The following VKORC1L1 variants were observed in gnomAD, a reference collection of about 807,000 sequenced individuals.
The protein encoded by VKORC1L1 is vitamin K epoxide reductase complex subunit 1-like protein 1.
Under a neutral mutation model 18.9 loss-of-function variants are expected in VKORC1L1, and 2 were observed. The ratio of observed to expected loss-of-function variants is 0.11; its 90% CI spans 0.04 to 0.33. VKORC1L1 has a LOEUF of 0.33. Ranked by LOEUF, VKORC1L1 falls within the 10% of genes least tolerant of loss-of-function variation. The pLI is 1.00. For synonymous variants in VKORC1L1, 96 were observed against 100.0 expected (o/e 0.96, Z 0.24); for missense variants, 123 against 224.1 (o/e 0.55, Z 2.88).
At chr7:65,920,180 A>G (rs1238490180) in intron 1 of VKORC1L1, among the ~76,000 whole-genome samples, 1 of 152,102 alleles carries the variant, frequency 6.6e-6, no homozygotes, top group East Asian at 1.9e-4. Context: ...AATTTTGAAT[A>G]TAAGTTTAGA....
At position 65,873,159 on chromosome 7, in the gene VKORC1L1, C is replaced by A. The variant is rs1384516501; in HGVS notation, c.-213C>A. 8.0e-6 allele frequency: 4 copies of A among 498,052 alleles called. No homozygotes were observed. In the African/African-American group the frequency reaches 8.4e-5, roughly 10 times the overall value. 30.9% of individuals were successfully genotyped at this position (498,052 alleles called of 1,614,324 possible). ...CCCGCGCGCGCCTTCCCCGCCCCGT[C>A]CGCCTCACTCCTTTTGGGGCGGTTG... On this transcript the variant is annotated 5_prime_UTR_variant, in exon 1 of 3. Coordinates refer to ENST00000360768, the MANE Select transcript of VKORC1L1 (RefSeq NM_173517.6).
At chr7:65,877,512 T>G (rs1788849965) in intron 1 of VKORC1L1, among the ~76,000 whole-genome samples, 1 of 152,162 alleles carries the variant, frequency 6.6e-6, no homozygotes, top group Non-Finnish European at 1.5e-5. Flanking sequence ...CATGCCCGGC[T>G]AATTTTTGTA....
intron 1 of VKORC1L1, among the ~76,000 whole-genome samples, chr7:65,909,992 A>C (rs1410579311): frequency 1.3e-5 from 2 of 152,146 alleles, no homozygotes; most frequent in African/African-American, 2.4e-5. Flanking sequence ...CTGGGATTAC[A>C]GGCATGAACC....
intron 1 of VKORC1L1, among the ~76,000 whole-genome samples, chr7:65,945,459 A>C (rs927813271): frequency 1.3e-5 from 2 of 151,950 alleles, no homozygotes; most frequent in African/African-American, 4.8e-5. Context: ...AAAATACAAA[A>C]AAATTAGCTG....
chr7:65,910,275 TAA>T (rs1224542093), intron 1 of VKORC1L1, among the ~76,000 whole-genome samples: 2 of 152,164 alleles, frequency 1.3e-5, no homozygotes, highest in Non-Finnish European at 2.9e-5. Context: ...TAGCACATAA[TAA>T]AGACAATAAT....
intron 1 of VKORC1L1, among the ~76,000 whole-genome samples, chr7:65,892,957 G>A (rs1353065544): frequency 1.3e-5 from 2 of 152,168 alleles, no homozygotes; most frequent in Non-Finnish European, 2.9e-5. Context: ...AGTAACACTT[G>A]GTTGTTTTTT....
At chr7:65,901,863 GGACTC>G (rs1296148236) in intron 1 of VKORC1L1, among the ~76,000 whole-genome samples, 1 of 152,006 alleles carries the variant, frequency 6.6e-6, no homozygotes, top group Non-Finnish European at 1.5e-5. Flanking sequence ...ACAATTCCTG[GGACTC>G]AACACAGAGC....
intron 1 of VKORC1L1, among the ~76,000 whole-genome samples, chr7:65,924,709 A>G (rs903854412): frequency 6.6e-6 from 1 of 152,220 alleles, no homozygotes; most frequent in Non-Finnish European, 1.5e-5. Context: ...TAAACTTTTT[A>G]TGTGACACGT....
chr7:65,907,167 C>T (rs768805315), intron 1 of VKORC1L1, among the ~76,000 whole-genome samples: 6 of 152,128 alleles, frequency 3.9e-5, no homozygotes, highest in Non-Finnish European at 4.4e-5. Flanking sequence ...TGGCCAGGCT[C>T]GGTGGCTCAT....
chr7:65,880,165 C>T (rs553349098), intron 1 of VKORC1L1, among the ~76,000 whole-genome samples: 25 of 152,168 alleles, frequency 1.6e-4, no homozygotes, highest in Non-Finnish European at 1.3e-4. Flanking sequence ...TTTACCACTA[C>T]TTTAAATTCC....
intron 1 of VKORC1L1, among the ~76,000 whole-genome samples, chr7:65,935,216 A>G (rs1314577003): frequency 6.6e-6 from 1 of 152,022 alleles, no homozygotes; most frequent in East Asian, 1.9e-4. Flanking sequence ...TGCTTCTGGA[A>G]GTGTCTGATT....
chr7:65,885,916 T>G (rs1380059432), intron 1 of VKORC1L1, among the ~76,000 whole-genome samples: 3 of 152,202 alleles, frequency 2.0e-5, no homozygotes, highest in East Asian at 3.8e-4. Flanking sequence ...CACTGAGATT[T>G]TGATTAGAAT....
intron 1 of VKORC1L1, among the ~76,000 whole-genome samples, chr7:65,937,386 G>C (rs1789961596): frequency 6.6e-6 from 1 of 152,130 alleles, no homozygotes; most frequent in Non-Finnish European, 1.5e-5. Flanking sequence ...TTGGCATTCA[G>C]ATTTTTTTTG....
rs527762102 is a variant in VKORC1L1, at chr7:65,875,533, T to A, written c.194+1968T>A. 1.9e-3 allele frequency among the ~76,000 whole-genome samples: 285 copies of A among 152,148 alleles called. 3 individuals are homozygous for A. The highest frequency in any genetic ancestry group is 6.7e-3 in the African/African-American group (278 of 41,518). On this transcript the variant is annotated intron_variant, in intron 1 of 2. Coordinates refer to ENST00000360768, the MANE Select transcript of VKORC1L1 (RefSeq NM_173517.6). ...CCCGGGTTCACTCCATTCTCCTGCC[T>A]CAGCCTCCTGAGTAGCTGGGACTAC...
At chr7:65,896,518 G>T (rs139850908) in intron 1 of VKORC1L1, among the ~76,000 whole-genome samples, 2,783 of 151,448 alleles carry the variant, frequency 0.018, 43 homozygotes, top group Non-Finnish European at 0.027. Flanking sequence ...AATAGGTTCC[G>T]CTCCTATCTT....
At chr7:65,913,681 C>A (rs554952285) in intron 1 of VKORC1L1, among the ~76,000 whole-genome samples, 1 of 129,182 alleles carries the variant, frequency 7.7e-6, no homozygotes, top group South Asian at 2.4e-4. Flanking sequence ...GAGCCGAGAT[C>A]GGGCCACTGC....
At chr7:65,866,697 C>T in the VKORC1L1 span, among the ~76,000 whole-genome samples, 2 of 152,074 alleles carry the variant, frequency 1.3e-5, no homozygotes, top group Non-Finnish European at 2.9e-5. Flanking sequence ...ATCACTTGAG[C>T]CCAAAAGGTT....
intron 1 of VKORC1L1, among the ~76,000 whole-genome samples, chr7:65,874,077 G>T (rs912407493): frequency 5.9e-5 from 9 of 152,218 alleles, no homozygotes; most frequent in African/African-American, 1.9e-4. Flanking sequence ...TGTCTTCCTG[G>T]TGCTAGGACA....
chr7:65,878,110 C>G (rs1788860817), intron 1 of VKORC1L1, among the ~76,000 whole-genome samples: 1 of 152,128 alleles, frequency 6.6e-6, no homozygotes, highest in Admixed American at 6.5e-5. Context: ...AAAGTACCAT[C>G]TATTTACTAC....
Sources: gnomAD v4.1 joint callset for allele counts (sites outside exome capture counted in the v4.1 genomes callset) on GRCh38, gnomAD v4.1.1 for gene constraint, MANE v1.5 for transcripts, NCBI Gene and HGNC (gene_info 2026-07-23, HGNC 2026-07-21) for gene names.